FGFRL1: variants seen among roughly 807,000 people sequenced by gnomAD.
FGFRL1 encodes the protein fibroblast growth factor receptor like 1.
In FGFRL1, 24 loss-of-function variants were observed where a neutral mutation model predicts 36.8. The observed-to-expected ratio is 0.65, with a 90% CI of 0.47 to 0.92. The LOEUF is 0.92. Ranked by LOEUF, FGFRL1 falls within the 40% of genes least tolerant of loss-of-function variation. FGFRL1 has a pLI of 0.00. For missense variants in FGFRL1, 785 were observed against 753.4 expected (o/e 1.04, Z -0.49); for synonymous variants, 422 against 344.1 (o/e 1.23, Z -2.50).
intron 2 of FGFRL1, among the ~76,000 whole-genome samples, chr4:1,014,827 G>A (rs559231397): frequency 9.2e-5 from 14 of 152,256 alleles, no homozygotes; most frequent in African/African-American, 2.6e-4. Context: ...TTTCCATCTC[G>A]GGGCCCCACT....
chr4:1,014,892 CAA>C (rs1167015485), intron 2 of FGFRL1, among the ~76,000 whole-genome samples: 2 of 152,224 alleles, frequency 1.3e-5, no homozygotes, highest in Non-Finnish European at 2.9e-5. Flanking sequence ...GAGCCGTGAA[CAA>C]AGTCGCCTTT....
chr4:1,015,329 C>G (rs1442563347), intron 2 of FGFRL1, among the ~76,000 whole-genome samples: 2 of 152,216 alleles, frequency 1.3e-5, no homozygotes. Context: ...CAGGGCTGCA[C>G]TCCCTGCCTG....
intron 2 of FGFRL1, among the ~76,000 whole-genome samples, chr4:1,018,179 C>T (rs1015150809): frequency 6.6e-6 from 1 of 152,172 alleles, no homozygotes; most frequent in African/African-American, 2.4e-5. Context: ...GCTTCTTCCC[C>T]TCCATCCCAG....
chr4:1,012,387 C>T, intron 1 of FGFRL1, 83 bp from the exon 2 acceptor site: 1 of 1,515,968 alleles, frequency 6.6e-7, no homozygotes, highest in Non-Finnish European at 8.8e-7. Flanking sequence ...GGCGGCCAGA[C>T]CCCTGATCCC....
chr4:1,015,058 G>T (rs529158578), intron 2 of FGFRL1, among the ~76,000 whole-genome samples: 40 of 14,798 alleles, frequency 2.7e-3, no homozygotes, highest in African/African-American at 0.02. Flanking sequence ...CCCCTGGCTT[G>T]CCCAGCCCTG....
chr4:1,020,101 T>A (rs1716091926), intron 2 of FGFRL1, among the ~76,000 whole-genome samples: 1 of 152,194 alleles, frequency 6.6e-6, no homozygotes, highest in Admixed American at 6.5e-5. Context: ...GGGGTCAGAA[T>A]GGGAGCTGCT....
At chr4:1,022,006 A>G in intron 2 of FGFRL1, among the ~76,000 whole-genome samples, 197 bp from the exon 3 acceptor site, 1 of 152,204 alleles carries the variant, frequency 6.6e-6, no homozygotes, top group East Asian at 1.9e-4. Flanking sequence ...GCCAGTGCTC[A>G]GGGCTTTGGT....
intron 2 of FGFRL1, among the ~76,000 whole-genome samples, chr4:1,013,086 C>G (rs1715691844): frequency 6.6e-6 from 1 of 152,242 alleles, no homozygotes; most frequent in African/African-American, 2.4e-5. Flanking sequence ...CTGCCCAGCT[C>G]TAGGCAGGCA....
rs4647930 is a variant in FGFRL1 at position 1,024,917 on chromosome 4, C to G, written c.1085C>G (p.Pro362Arg). 1.9e-6 allele frequency: 3 copies of G among 1,592,144 alleles called. No homozygotes were observed. In the African/African-American group the frequency reaches 4.0e-5, roughly 21 times the overall value. Reference protein sequence around the residue: ...FLTVLPDPKPPGPPVASSSSA... With the variant: ...FLTVLPDPKPRGPPVASSSSA... Reference sequence around the variant, plus strand: ...CTCGCTCTTGCAGACCCAAAACCGCCAGGGCCACCTGTGGCCTCCTCGTCC... The same window carrying G: ...CTCGCTCTTGCAGACCCAAAACCGCGAGGGCCACCTGTGGCCTCCTCGTCC... The change falls in exon 7 of 7, where the codon CCA becomes CGA. Residue 362 changes from proline to arginine, a missense_variant. Coordinates refer to ENST00000510644, the MANE Select transcript of FGFRL1 (RefSeq NM_001004356.3).
In FGFRL1 at chr4:1,024,679, C is replaced by T. The variant is rs754345247; in HGVS notation, c.1072+15C>T. On this transcript the variant is annotated intron_variant, in intron 6 of 6. Transcript: ENST00000510644. ...CGTGCTGCCAGGTGCGCGGCTGCCA[C>T]GCCACGCCACACCATGCTGGTGCCC... 35 of 1,581,580 alleles carry T rather than the reference C, an allele frequency of 2.2e-5. No individual in the cohort carries two copies. Among genetic ancestry groups the T allele is most frequent in the Middle Eastern group, 1.7e-4 (1 of 5,992 alleles).
chr4:1,013,507 A>G (rs866752142), intron 2 of FGFRL1, among the ~76,000 whole-genome samples: 1 of 150,950 alleles, frequency 6.6e-6, no homozygotes, highest in Admixed American at 6.6e-5. Context: ...GGCGGTGACC[A>G]GGTGGGCCTT....
At chr4:1,013,650 G>A (rs1300665064) in intron 2 of FGFRL1, among the ~76,000 whole-genome samples, 1 of 152,254 alleles carries the variant, frequency 6.6e-6, no homozygotes, top group African/African-American at 2.4e-5. Context: ...CATGGCCAGC[G>A]GCCTGGACTT....
chr4:1,020,641 T>TG (rs1716122232), intron 2 of FGFRL1, among the ~76,000 whole-genome samples: 2 of 36,476 alleles, frequency 5.5e-5, no homozygotes, highest in African/African-American at 1.1e-4. Context: ...AGGCAGGGGA[T>TG]GGGGTGGGGA....
rs1253543045 is a variant in FGFRL1 at position 1,025,411 on chromosome 4, G to A, written c.*64G>A. 1.3e-6 allele frequency: 2 copies of A among 1,494,582 alleles called. No individual in the cohort carries two copies. Among genetic ancestry groups the A allele is most frequent in the African/African-American group, 2.8e-5 (2 of 72,048 alleles). 92.6% of individuals were successfully genotyped at this position (1,494,582 alleles called of 1,614,324 possible). A position where few individuals can be genotyped will look rare whatever the true frequency, so the allele number is the denominator to read the frequency against. On this transcript the variant is annotated 3_prime_UTR_variant, in exon 7 of 7. Transcript: ENST00000510644. ...AGACAGGCAGACTGGGAGGATGGAG[G>A]ACGGAGCTGCAGACGAAGGCAGGGG...
chr4:1,020,406 C>T (rs960510746), intron 2 of FGFRL1, among the ~76,000 whole-genome samples: 4 of 151,912 alleles, frequency 2.6e-5, no homozygotes, highest in East Asian at 2.0e-4. Context: ...GGGAGCAGCA[C>T]GTGGGGAGTG....
upstream of FGFRL1, among the ~76,000 whole-genome samples, chr4:1,011,513 T>C (rs1266476451): frequency 3.0e-5 from 4 of 133,524 alleles, no homozygotes; most frequent in African/African-American, 1.1e-4. Context: ...CGCGCGCGGA[T>C]TGGGGAAAAG....
chr4:1,012,315 A>G (rs924096990), intron 1 of FGFRL1, 155 bp from the exon 2 acceptor site: 6 of 729,582 alleles, frequency 8.2e-6, no homozygotes, highest in African/African-American at 7.5e-5. Context: ...TTTGATACCC[A>G]CAGCTTCTCC....
At position 1,022,271 on chromosome 4, in the gene FGFRL1, C is replaced by T. The variant is rs1264461874; in HGVS notation, c.148C>T (p.Gln50Ter). The T allele has an allele frequency of 6.3e-7, 1 of 1,589,960 alleles. No homozygotes were observed. The highest frequency in any genetic ancestry group is 2.3e-5 in the East Asian group (1 of 43,254). Reference protein sequence around the residue: ...VARLGRTVRLQCPVEGDPPPL... With the variant: ...VARLGRTVRL ...CCGGCTGGGCCGCACTGTGCGGCTG[C>T]AGTGCCCAGTGGAGGGGGACCCGCC... The change falls in exon 3 of 7, where the codon CAG (glutamine) becomes TAG (stop). Residue 50 changes from glutamine to a stop codon, truncating the protein, a stop_gained. Coordinates refer to ENST00000510644, the MANE Select transcript of FGFRL1 (RefSeq NM_001004356.3). LOFTEE classifies it high-confidence loss of function.
chr4:1,022,366 G>C lies in FGFRL1; in HGVS notation c.243G>C (p.Pro81=), dbSNP rs1264450730. ...GCTGGAGCCGCTTCCGCGTGCTGCCGCAGGGGCTGAAGGTGAAGCAGGTGG... is the reference window on the plus strand; with the variant it reads ...GCTGGAGCCGCTTCCGCGTGCTGCCCCAGGGGCTGAAGGTGAAGCAGGTGG... ...HSGWSRFRVL[P]QGLKVKQVER... The change falls in exon 3 of 7, where the codon CCG becomes CCC. Residue 81 remains proline (P), a synonymous_variant. Transcript: ENST00000510644. 1 of 1,609,448 alleles carries C rather than the reference G, an allele frequency of 6.2e-7. No homozygotes were observed. Among genetic ancestry groups the C allele is most frequent in the Non-Finnish European group, 8.5e-7 (1 of 1,178,694 alleles).
Sources: gnomAD v4.1 joint callset for allele counts (sites outside exome capture counted in the v4.1 genomes callset) on GRCh38, gnomAD v4.1.1 for gene constraint, MANE v1.5 for transcripts, NCBI Gene and HGNC (gene_info 2026-07-23, HGNC 2026-07-21) for gene names.